The following ARHGAP44 variants were observed in gnomAD, a reference collection of about 807,000 sequenced individuals.
ARHGAP44 encodes rho GTPase-activating protein 44.
A neutral mutation model predicts 106.8 loss-of-function variants in ARHGAP44; 43 were observed. The observed-to-expected ratio is 0.40, with a 90% CI of 0.32 to 0.52. The LOEUF (loss-of-function observed/expected upper bound fraction) is 0.52, where lower values mean the gene tolerates loss of function less well. Among genes scored for constraint, ARHGAP44 ranks in the 20% least tolerant of loss-of-function variants. ARHGAP44 has a pLI of 0.48. For missense variants in ARHGAP44, 866 were observed against 1,050.5 expected (o/e 0.82, Z 2.43); for synonymous variants, 439 against 410.3 (o/e 1.07, Z -0.85).
chr17:12,867,141 A>G lies in ARHGAP44; in HGVS notation c.54-27799A>G, dbSNP rs545531371. On this transcript the variant is annotated intron_variant, in intron 1 of 20. Transcript: ENST00000379672. The stretch of plus-strand genomic sequence containing the variant: ...GAGAGATCTAGTATGTTCACCTGTC[A>G]CTCACAAGGAAACATGACAGGTCAC... Among the ~76,000 whole-genome samples, 7 of 151,384 alleles carry G rather than the reference A, an allele frequency of 4.6e-5. No homozygotes were observed. The South Asian group carries it at 6.3e-4, about 14-fold the overall frequency.
In ARHGAP44 at chr17:12,896,536, A is replaced by G. The variant is rs1378989335; in HGVS notation, c.198+25A>G. On this transcript the variant is annotated intron_variant, in intron 3 of 20. Coordinates refer to ENST00000379672, the MANE Select transcript of ARHGAP44 (RefSeq NM_014859.6). ...CGTAAGTGCCCTCCCAGCCCTGGGG[A>G]GCTGAAATCTTGCCTACTGAGGACA... The G allele has an allele frequency of 1.9e-6, 3 of 1,565,692 alleles. No homozygotes were observed. The East Asian group carries it at 7.1e-5, about 37-fold the overall frequency.
chr17:12,987,045 T>C, intron 20 of ARHGAP44: 2 of 1,235,586 alleles, frequency 1.6e-6, no homozygotes, highest in Non-Finnish European at 2.2e-6. Flanking sequence ...TTTTGTGACG[T>C]TCATGTTTTG....
chr17:12,944,031 C>T (rs758421075), intron 9 of ARHGAP44, 38 bp from the exon 10 acceptor site: 14 of 1,553,770 alleles, frequency 9.0e-6, no homozygotes, highest in African/African-American at 5.5e-5. Context: ...GTGAACTTGG[C>T]GAACAGCTGA....
chr17:12,816,377 A>G (rs572773380), intron 1 of ARHGAP44, among the ~76,000 whole-genome samples: 2 of 152,296 alleles, frequency 1.3e-5, no homozygotes, highest in South Asian at 4.1e-4. Flanking sequence ...CTTTTAGGAC[A>G]AAATCAGTGG....
chr17:12,794,425 A>T (rs1167212064), intron 1 of ARHGAP44, among the ~76,000 whole-genome samples: 1 of 152,128 alleles, frequency 6.6e-6, no homozygotes, highest in East Asian at 1.9e-4. Flanking sequence ...CTGAACACCC[A>T]TTCAAGTCTT....
At chr17:12,885,237 G>A (rs2036847770) in intron 1 of ARHGAP44, among the ~76,000 whole-genome samples, 1 of 152,044 alleles carries the variant, frequency 6.6e-6, no homozygotes, top group African/African-American at 2.4e-5. Context: ...CTATTCTCTA[G>A]TTTATCCATT....
At chr17:12,914,727 C>T (rs924429003) in intron 4 of ARHGAP44, among the ~76,000 whole-genome samples, 12 of 147,052 alleles carry the variant, frequency 8.2e-5, no homozygotes, top group South Asian at 2.2e-4. Context: ...ACCCAGGAGG[C>T]GGAGGTTGCA....
intron 5 of ARHGAP44, among the ~76,000 whole-genome samples, chr17:12,917,951 C>T (rs1231988529): frequency 1.3e-5 from 2 of 152,206 alleles, no homozygotes; most frequent in Non-Finnish European, 2.9e-5. Flanking sequence ...GACACTCTCT[C>T]TGGGACAGAG....
At chr17:12,984,378 G>C (rs1376108573) in intron 19 of ARHGAP44, 153 bp from the exon 20 acceptor site, 1 of 684,394 alleles carries the variant, frequency 1.5e-6, no homozygotes, top group Non-Finnish European at 2.1e-6. Flanking sequence ...AATGTGGCAA[G>C]AGGCCGGGGG....
intron 1 of ARHGAP44, among the ~76,000 whole-genome samples, chr17:12,838,901 T>C (rs2150825577): frequency 6.6e-6 from 1 of 152,220 alleles, no homozygotes. Flanking sequence ...GAGATGGGGT[T>C]TCACCATGTT....
intron 1 of ARHGAP44, among the ~76,000 whole-genome samples, chr17:12,811,606 A>C (rs989661481): frequency 2.6e-5 from 4 of 152,170 alleles, no homozygotes; most frequent in Non-Finnish European, 4.4e-5. Context: ...AACTGTATAT[A>C]CGTCTGAAAT....
chr17:12,973,370 G>C (rs565958704), intron 17 of ARHGAP44, 51 bp downstream of exon 17: 3 of 1,578,706 alleles, frequency 1.9e-6, no homozygotes, highest in South Asian at 2.3e-5. Context: ...CTTCAACTGA[G>C]CCACCTATGC....
intron 14 of ARHGAP44, 51 bp from the exon 15 acceptor site, chr17:12,956,604 C>T: frequency 1.9e-6 from 3 of 1,540,718 alleles, no homozygotes; most frequent in Non-Finnish European, 2.7e-6. Flanking sequence ...GGCCTCAAAG[C>T]TTGCCTCAGC....
chr17:12,820,308 A>C (rs532527892), intron 1 of ARHGAP44, among the ~76,000 whole-genome samples: 3 of 152,266 alleles, frequency 2.0e-5, no homozygotes, highest in African/African-American at 7.2e-5. Flanking sequence ...GTTTTGATAC[A>C]TATAATACCC....
intron 1 of ARHGAP44, among the ~76,000 whole-genome samples, chr17:12,810,792 T>C (rs1368030811): frequency 1.3e-5 from 2 of 152,156 alleles, no homozygotes; most frequent in African/African-American, 4.8e-5. Flanking sequence ...ACTTGTATCA[T>C]ATACAGTTGA....
chr17:12,864,241 A>C (rs914947185), intron 1 of ARHGAP44, among the ~76,000 whole-genome samples: 2 of 152,216 alleles, frequency 1.3e-5, no homozygotes, highest in African/African-American at 2.4e-5. Flanking sequence ...AAATGGCCAG[A>C]GATGCGACAG....
chr17:12,854,775 A>G (rs965568400), intron 1 of ARHGAP44, among the ~76,000 whole-genome samples: 1 of 152,066 alleles, frequency 6.6e-6, no homozygotes, highest in Non-Finnish European at 1.5e-5. Context: ...TCTGACCAAC[A>G]TGGAGAAACC....
chr17:12,972,486 A>C (rs553636720), intron 16 of ARHGAP44, among the ~76,000 whole-genome samples: 2 of 151,664 alleles, frequency 1.3e-5, no homozygotes, highest in East Asian at 4.0e-4. Context: ...TGTCTCTACT[A>C]AAAATACAAA....
chr17:12,908,479 A>G (rs987764816), intron 3 of ARHGAP44, among the ~76,000 whole-genome samples: 2 of 152,196 alleles, frequency 1.3e-5, no homozygotes, highest in African/African-American at 4.8e-5. Flanking sequence ...TGCTGGGATT[A>G]CAGGTGTGAG....
Sources: gnomAD v4.1 joint callset for allele counts (sites outside exome capture counted in the v4.1 genomes callset) on GRCh38, gnomAD v4.1.1 for gene constraint, MANE v1.5 for transcripts, NCBI Gene and HGNC (gene_info 2026-07-23, HGNC 2026-07-21) for gene names.